SRGAP2: variants seen among roughly 807,000 people sequenced by gnomAD.
The protein encoded by SRGAP2 is SLIT-ROBO Rho GTPase-activating protein 2.
A neutral mutation model predicts 57.2 loss-of-function variants in SRGAP2; 15 were observed. The ratio of observed to expected loss-of-function variants is 0.26; its 90% CI spans 0.18 to 0.40. SRGAP2 has a LOEUF of 0.40. SRGAP2 is among the 10% of genes least tolerant of loss of function. The pLI, the probability that SRGAP2 is intolerant of heterozygous loss-of-function variation, is 1.00. For missense variants in SRGAP2, 520 were observed against 669.6 expected (o/e 0.78, Z 2.47); for synonymous variants, 249 against 248.0 (o/e 1.00, Z -0.04).
chr1:206,355,031 T>C (rs1676332144), intron 4 of SRGAP2, among the ~76,000 whole-genome samples: 1 of 152,222 alleles, frequency 6.6e-6, no homozygotes, highest in Non-Finnish European at 1.5e-5. Flanking sequence ...GACCTTCTCC[T>C]TTACATTTCA....
At chr1:206,445,935 G>A in intron 17 of SRGAP2, 140 bp from the exon 18 acceptor site, 1 of 625,744 alleles carries the variant, frequency 1.6e-6, no homozygotes. Context: ...CTTACTTTCT[G>A]GAAAGTCTCT....
At chr1:206,288,200 C>T (rs1428807979) in intron 2 of SRGAP2, among the ~76,000 whole-genome samples, 21 of 135,376 alleles carry the variant, frequency 1.6e-4, no homozygotes, top group Admixed American at 4.4e-4. Context: ...AGTGAAAGAG[C>T]TGCTGTACTT....
intron 8 of SRGAP2, among the ~76,000 whole-genome samples, chr1:206,404,506 T>TC (rs1360230322): frequency 2.8e-4 from 42 of 150,420 alleles, no homozygotes; most frequent in African/African-American, 1.0e-3. Context: ...TCATCTGTCA[T>TC]CCAGGGGACT....
chr1:206,384,754 TC>T (rs1335700286), intron 5 of SRGAP2, among the ~76,000 whole-genome samples: 1 of 149,678 alleles, frequency 6.7e-6, no homozygotes, highest in African/African-American at 2.5e-5. Flanking sequence ...TGGTGGTTGT[TC>T]CCCAGCCATG....
At chr1:206,458,186 T>A (rs12565311) in intron 21 of SRGAP2, among the ~76,000 whole-genome samples, 61,765 of 152,014 alleles carry the variant, frequency 0.41, 12,928 homozygotes, top group Middle Eastern at 0.57. Context: ...GGAAAAAGAG[T>A]CATGCTAAAA....
At position 206,230,126 on chromosome 1, in the gene SRGAP2, G is replaced by C. The variant is rs1553306572; in HGVS notation, c.67+24089G>C. ...TTGTCCCTTCGTAAACTGATCAATT[G>C]CCGTGCAGATTGAGAGAAAGCCATT... On this transcript the variant is annotated intron_variant, in intron 2 of 22. Transcript: ENST00000573034. Among the ~76,000 whole-genome samples the C allele has an allele frequency of 2.6e-5, 4 of 152,146 alleles. No individual in the cohort carries two copies. The South Asian group carries it at 6.2e-4, about 24-fold the overall frequency.
At chr1:206,396,378 ATATT>A (rs1330525007) in intron 7 of SRGAP2, among the ~76,000 whole-genome samples, 1 of 135,320 alleles carries the variant, frequency 7.4e-6, no homozygotes, top group Admixed American at 7.2e-5. Context: ...TGTTCAGTAA[ATATT>A]TATTTAGGGA....
chr1:206,262,404 A>AAGAATCTCATGATAGTTTTGG (rs1394437042), intron 2 of SRGAP2, among the ~76,000 whole-genome samples: 14 of 146,758 alleles, frequency 9.5e-5, no homozygotes, highest in African/African-American at 3.3e-4. Context: ...GGGTCTTCTA[A>AAGAATCTCATGATAGTTTTGG]AGAATCTCAT....
At position 206,415,840 on chromosome 1, in the gene SRGAP2, C is replaced by T. The variant is rs57110946; in HGVS notation, c.1357-49C>T. ...CCAGCTGAGCATCTGTGATTTTTTT[C>T]TTCTTCTTCAGGAGTCTGATTGCTC... On this transcript the variant is annotated intron_variant, in intron 10 of 22. Coordinates refer to ENST00000573034, the MANE Select transcript of SRGAP2 (RefSeq NM_015326.5). The T allele has an allele frequency of 8.7e-4, 646 of 742,754 alleles. 5 individuals are homozygous for T. The African/African-American group carries it at 9.6e-3, about 11-fold the overall frequency. 46.0% of individuals were successfully genotyped at this position (742,754 alleles called of 1,614,324 possible). A position where few individuals can be genotyped will look rare whatever the true frequency, so the allele number is the denominator to read the frequency against.
intron 3 of SRGAP2, among the ~76,000 whole-genome samples, chr1:206,334,793 G>A (rs1279200052): frequency 6.6e-6 from 1 of 151,434 alleles, no homozygotes; most frequent in African/African-American, 2.4e-5. Context: ...CAGACTGTCT[G>A]CCTCAGTCAT....
At chr1:206,218,243 G>C (rs1413874983) in intron 2 of SRGAP2, among the ~76,000 whole-genome samples, 1 of 151,492 alleles carries the variant, frequency 6.6e-6, no homozygotes, top group Non-Finnish European at 1.5e-5. Context: ...AACCTGGGAT[G>C]CGGAGGTTGC....
rs1181681708 is a variant in SRGAP2 at position 206,244,811 on chromosome 1, AT to A, written c.67+38785del. 8.2e-3 allele frequency among the ~76,000 whole-genome samples: 1,226 copies of A among 148,734 alleles called. 21 individuals are homozygous for A. Among genetic ancestry groups the A allele is most frequent in the African/African-American group, 0.027 (1,069 of 39,810 alleles). ...GGGCGCCCCTCTTAGAAGAAAAGAC[AT>A]TTTTTTTTTTCCTTAAGATTGGTGC... is the stretch of plus-strand genomic sequence containing the variant. On this transcript the variant is annotated intron_variant, in intron 2 of 22. Transcript: ENST00000573034.
chr1:206,376,360 AACGTTCTTC>A (rs1655200442), intron 4 of SRGAP2, among the ~76,000 whole-genome samples: 1 of 142,640 alleles, frequency 7.0e-6, no homozygotes, highest in Admixed American at 7.0e-5. Context: ...AAAAACAGAG[AACGTTCTTC>A]CCTTCGGGCC....
intron 2 of SRGAP2, among the ~76,000 whole-genome samples, chr1:206,291,444 C>T (rs1671314180): frequency 6.6e-6 from 1 of 152,140 alleles, no homozygotes; most frequent in Non-Finnish European, 1.5e-5. Context: ...GCTGCTATTA[C>T]AAACTCCATT....
At chr1:206,323,255 C>T (rs147840248) in intron 3 of SRGAP2, among the ~76,000 whole-genome samples, 70,561 of 151,304 alleles carry the variant, frequency 0.47, 16,667 homozygotes, top group East Asian at 0.71. Flanking sequence ...TTTTCCTCTC[C>T]GGAATGGGGT....
At chr1:206,360,710 G>A (rs1472615557) in intron 4 of SRGAP2, among the ~76,000 whole-genome samples, 8 of 152,242 alleles carry the variant, frequency 5.3e-5, no homozygotes, top group African/African-American at 1.9e-4. Flanking sequence ...TTCGAAGTTG[G>A]AATTGCCATT....
In SRGAP2 at chr1:206,461,059, C is replaced by T. The variant is rs781890702; in HGVS notation, c.2855C>T (p.Ser952Leu). The change falls in exon 23 of 23, where the codon TCG becomes TTG. Residue 952 changes from serine to leucine, a missense_variant. Physicochemically the swap from Ser to Leu is moderately radical, Grantham distance 145 (BLOSUM62 -2). Coordinates refer to ENST00000573034, the MANE Select transcript of SRGAP2 (RefSeq NM_015326.5). The part of the protein sequence containing the change: ...IAQDIEATMN[S>L]ALNELRELER... Reference sequence around the variant, plus strand: ...CAGGATATTGAGGCAACAATGAACTCGGCCCTGAATGAGCTACGGGAACTA... The same window carrying T: ...CAGGATATTGAGGCAACAATGAACTTGGCCCTGAATGAGCTACGGGAACTA... The T allele has an allele frequency of 1.5e-5, 11 of 714,668 alleles. No individual in the cohort carries two copies. Among genetic ancestry groups the T allele is most frequent in the South Asian group, 3.0e-5 (2 of 66,076 alleles). 44.3% of individuals were successfully genotyped at this position (714,668 alleles called of 1,614,324 possible). A position where few individuals can be genotyped will look rare whatever the true frequency, so the allele number is the denominator to read the frequency against.
chr1:206,418,015 G>A (rs1659895421), intron 11 of SRGAP2, among the ~76,000 whole-genome samples: 1 of 151,318 alleles, frequency 6.6e-6, no homozygotes, highest in Admixed American at 6.6e-5. Context: ...ACACATTTAT[G>A]CACCAAATGT....
intron 2 of SRGAP2, among the ~76,000 whole-genome samples, chr1:206,283,531 GGGCATGGT>G (rs1670850465): frequency 6.7e-6 from 1 of 149,034 alleles, no homozygotes; most frequent in African/African-American, 2.5e-5. Context: ...AAAATTAGCC[GGGCATGGT>G]GGCACACCAT....
Sources: allele counts gnomAD v4.1 joint callset (sites outside exome capture counted in the v4.1 genomes callset), GRCh38; gene constraint gnomAD v4.1.1; transcripts MANE v1.5; gene names NCBI Gene and HGNC (gene_info 2026-07-23, HGNC 2026-07-21).